Variants in PCDH15 observed in about 807,000 individuals in gnomAD.
PCDH15 encodes protocadherin-15.
Under a neutral mutation model 178.5 loss-of-function variants are expected in PCDH15, and 129 were observed. The observed-to-expected ratio is 0.72, with a 90% CI of 0.63 to 0.84. The LOEUF (loss-of-function observed/expected upper bound fraction) is 0.84. PCDH15 is among the 40% of genes least tolerant of loss of function. The pLI, the probability that PCDH15 is intolerant of heterozygous loss-of-function variation, is 0.00. For synonymous variants in PCDH15, 800 were observed against 732.0 expected (o/e 1.09, Z -1.50); for missense variants, 2,230 against 2,099.9 (o/e 1.06, Z -1.21).
chr10:53,806,547 A>AAAATT lies in PCDH15; in HGVS notation c.*27_*31dup, dbSNP rs1841171949. 6.7e-7 allele frequency: 1 copy of AAAATT among 1,482,166 alleles called. No individual in the cohort carries two copies. Among genetic ancestry groups the AAAATT allele is most frequent in the Non-Finnish European group, 9.1e-7 (1 of 1,098,636 alleles). The allele number at this position is 1,482,166 out of a possible 1,614,324, so 91.8% of individuals were successfully genotyped here. ...GCACAGTTTATTAAAAATGTAAGTA[A>AAAATT]AAATTAATTAAAATATCTTTTAAAA... On this transcript the variant is annotated 3_prime_UTR_variant, in exon 38 of 38. Transcript: ENST00000644397.
chr10:53,980,343 T>C (rs1339145023), intron 21 of PCDH15, among the ~76,000 whole-genome samples: 1 of 152,122 alleles, frequency 6.6e-6, no homozygotes, highest in African/African-American at 2.4e-5. Context: ...CTTCCTAATT[T>C]TTGGTAAGAA....
intron 3 of PCDH15, among the ~76,000 whole-genome samples, chr10:54,436,500 A>C (rs7088575): frequency 0.48 from 73,096 of 151,720 alleles, 18,393 homozygotes; most frequent in African/African-American, 0.53. Context: ...TAAGTTAAGA[A>C]ATATACACCA....
intron 2 of PCDH15, among the ~76,000 whole-genome samples, chr10:55,337,480 T>G (rs1044159488): frequency 4.6e-5 from 7 of 152,214 alleles, no homozygotes; most frequent in South Asian, 2.1e-4. Flanking sequence ...TTCCAATTTA[T>G]AATTGTAATG....
At chr10:55,299,876 A>G (rs1297010969) in intron 1 of PCDH15, among the ~76,000 whole-genome samples, 1 of 152,202 alleles carries the variant, frequency 6.6e-6, no homozygotes, top group African/African-American at 2.4e-5. Flanking sequence ...CATACTATAT[A>G]TGAAGTTGGG....
intron 2 of PCDH15, among the ~76,000 whole-genome samples, chr10:54,988,260 G>A (rs748090946): frequency 1.3e-5 from 2 of 152,052 alleles, no homozygotes; most frequent in Non-Finnish European, 2.9e-5. Flanking sequence ...GTTTTGGTTT[G>A]TTTTGGTTAT....
intron 9 of PCDH15, among the ~76,000 whole-genome samples, chr10:54,233,011 C>A (rs964648628): frequency 6.7e-6 from 1 of 148,478 alleles, no homozygotes; most frequent in East Asian, 2.0e-4. Flanking sequence ...TCGTAGCTCA[C>A]TGCAGCCCTG....
chr10:54,489,599 T>C (rs781162602), intron 3 of PCDH15, among the ~76,000 whole-genome samples: 12 of 151,956 alleles, frequency 7.9e-5, no homozygotes, highest in Admixed American at 3.9e-4. Flanking sequence ...AATACATACA[T>C]CATACACACA....
rs764658322 is a variant in PCDH15, at chr10:53,959,833, A to G, written c.3021T>C (p.Val1007=). ...EPTTIFKLVV[V]AFDDGEPVMS... ...TCACAGGCTCCCCATCATCAAAAGC[A>G]ACCACCACCAACTTAAAAAGCAATA... Residue 1007 remains valine, a synonymous_variant, in exon 23 of 38, where the codon GTT becomes GTC. Coordinates refer to ENST00000644397, the MANE Select transcript of PCDH15 (RefSeq NM_001384140.1). The G allele has an allele frequency of 6.2e-7, 1 of 1,613,276 alleles. No homozygotes were observed. Among genetic ancestry groups the G allele is most frequent in the South Asian group, 1.1e-5 (1 of 91,068 alleles).
At chr10:55,418,804 T>C (rs1023281699) in intron 2 of PCDH15, among the ~76,000 whole-genome samples, 2 of 151,812 alleles carry the variant, frequency 1.3e-5, no homozygotes, top group African/African-American at 2.4e-5. Context: ...AGTTCTCTTA[T>C]TGTTGATAAA....
intron 2 of PCDH15, among the ~76,000 whole-genome samples, chr10:55,434,849 C>A (rs1275757887): frequency 1.3e-5 from 2 of 152,124 alleles, no homozygotes; most frequent in Non-Finnish European, 2.9e-5. Flanking sequence ...TGTGATCCAC[C>A]GACCTTGGCC....
intron 26 of PCDH15, among the ~76,000 whole-genome samples, chr10:53,875,537 A>G (rs2080170993): frequency 6.6e-6 from 1 of 152,028 alleles, no homozygotes; most frequent in African/African-American, 2.4e-5. Context: ...TTCACAACAA[A>G]GTCATTAATA....
At chr10:53,817,378 C>T (rs2132439198) in intron 34 of PCDH15, among the ~76,000 whole-genome samples, 1 of 152,176 alleles carries the variant, frequency 6.6e-6, no homozygotes, top group Non-Finnish European at 1.5e-5. Flanking sequence ...AAACCCAGAG[C>T]TTTCTAACAT....
In PCDH15 at chr10:54,490,891, T is replaced by C. The variant is rs149581091; in HGVS notation, c.157+36921A>G. On this transcript the variant is annotated intron_variant, in intron 3 of 37. Coordinates refer to ENST00000644397, the MANE Select transcript of PCDH15 (RefSeq NM_001384140.1). ...AAATATCACCTTTCCTTAAGTCAGA[T>C]ACTGAAGTAATGCTCCAAAACCCAA... is the stretch of plus-strand genomic sequence containing the variant. 2.0e-5 allele frequency among the ~76,000 whole-genome samples: 3 copies of C among 152,318 alleles called. No homozygotes were observed. The East Asian group carries it at 5.8e-4, about 29-fold the overall frequency.
intron 1 of PCDH15, among the ~76,000 whole-genome samples, chr10:54,777,591 G>A (rs1378920932): frequency 3.3e-5 from 5 of 152,082 alleles, no homozygotes; most frequent in Non-Finnish European, 7.4e-5. Context: ...TAAGACTTGA[G>A]TTGCTTCATC....
At chr10:54,580,053 C>T (rs1465479352) in intron 2 of PCDH15, among the ~76,000 whole-genome samples, 1 of 151,830 alleles carries the variant, frequency 6.6e-6, no homozygotes, top group East Asian at 1.9e-4. Flanking sequence ...AACATTACAC[C>T]TATGGGAACC....
chr10:54,018,559 T>C (rs1161298908), intron 20 of PCDH15, among the ~76,000 whole-genome samples: 2 of 152,070 alleles, frequency 1.3e-5, no homozygotes, highest in African/African-American at 4.8e-5. Flanking sequence ...TAAGTGAACA[T>C]AGATGCCTAG....
At chr10:54,093,817 G>T (rs1022036582) in intron 15 of PCDH15, among the ~76,000 whole-genome samples, 4 of 152,098 alleles carry the variant, frequency 2.6e-5, no homozygotes, top group African/African-American at 9.7e-5. Context: ...TTAATTGAAA[G>T]ATGCATCTTT....
At chr10:54,954,697 C>A (rs1331453493) in intron 2 of PCDH15, among the ~76,000 whole-genome samples, 2 of 151,192 alleles carry the variant, frequency 1.3e-5, no homozygotes, top group African/African-American at 4.8e-5. Context: ...AAAATACTTA[C>A]ACCAATTTTT....
chr10:55,461,345 T>A (rs1839672640), intron 2 of PCDH15, among the ~76,000 whole-genome samples: 1 of 152,174 alleles, frequency 6.6e-6, no homozygotes, highest in South Asian at 2.1e-4. Context: ...GTAAATACAG[T>A]GCCTATTACA....
Sources: allele counts gnomAD v4.1 joint callset (sites outside exome capture counted in the v4.1 genomes callset), GRCh38; gene constraint gnomAD v4.1.1; transcripts MANE v1.5; gene names NCBI Gene and HGNC (gene_info 2026-07-23, HGNC 2026-07-21).